The following LITAF variants were observed in gnomAD, a reference collection of about 807,000 sequenced individuals.
LITAF encodes lipopolysaccharide-induced tumor necrosis factor-alpha factor.
A neutral mutation model predicts 14.5 loss-of-function variants in LITAF; 9 were observed. That is an observed-to-expected ratio of 0.62 (90% CI 0.37 to 1.08). LITAF has a LOEUF of 1.08. LITAF is among the 50% of genes least tolerant of loss of function. The pLI, the probability that LITAF is intolerant of heterozygous loss-of-function variation, is 0.01. For missense variants in LITAF, 206 were observed against 213.4 expected (o/e 0.97, Z 0.22); for synonymous variants, 98 against 88.2 (o/e 1.11, Z -0.62).
Position 11,553,443 on chromosome 16 carries a change from T to C in LITAF, c.377+90A>G. ...AACAACACAAATGTCTGGCCCTGAA[T>C]GTCAAGCATGGTGCAGTTGAGAACC... is the stretch of plus-strand genomic sequence containing the variant. On this transcript the variant is annotated intron_variant, in intron 3 of 3. Transcript: ENST00000622633. This position sits in a 1 kb window ranked among gnomAD's most constrained non-coding sequence, Gnocchi z 7.7. The C allele has an allele frequency of 7.3e-7, 1 of 1,361,148 alleles. No homozygotes were observed. The highest frequency in any genetic ancestry group is 1.0e-6 in the Non-Finnish European group (1 of 970,400). The allele number at this position is 1,361,148 out of a possible 1,614,324, so 84.3% of individuals were successfully genotyped here. A position where few individuals can be genotyped will look rare whatever the true frequency, so the allele number is the denominator to read the frequency against.
At chr16:11,596,036 C>T (rs1051072148) in intron 1 of LITAF, among the ~76,000 whole-genome samples, 3 of 152,150 alleles carry the variant, frequency 2.0e-5, no homozygotes, top group African/African-American at 7.2e-5. Context: ...AGTCCATGGA[C>T]AGTCCCTGGT....
At chr16:11,609,557 T>C (rs1417948864) in intron 3 of LITAF, among the ~76,000 whole-genome samples, 1 of 152,022 alleles carries the variant, frequency 6.6e-6, no homozygotes, top group Non-Finnish European at 1.5e-5. Context: ...GTATGTAAAT[T>C]ACGTATCCAA....
intron 3 of LITAF, among the ~76,000 whole-genome samples, chr16:11,621,063 T>A (rs540183891): frequency 1.2e-5 from 1 of 80,860 alleles, no homozygotes; most frequent in South Asian, 3.7e-4. Context: ...ACCCAGTTAA[T>A]TTTTTTTTTT....
At chr16:11,628,703 G>A (rs1253586026) in intron 3 of LITAF, among the ~76,000 whole-genome samples, 1 of 151,048 alleles carries the variant, frequency 6.6e-6, no homozygotes, top group African/African-American at 2.4e-5. Context: ...TTGAAACTGA[G>A]TCTTGCTCTG....
At chr16:11,633,370 T>C (rs964178446) in intron 3 of LITAF, among the ~76,000 whole-genome samples, 4 of 152,178 alleles carry the variant, frequency 2.6e-5, no homozygotes, top group Admixed American at 6.6e-5. Flanking sequence ...CAACTCCATC[T>C]TGAATAGGGG....
chr16:11,568,880 A>C (rs758692333), intron 1 of LITAF, among the ~76,000 whole-genome samples: 2 of 151,958 alleles, frequency 1.3e-5, no homozygotes, highest in South Asian at 2.1e-4. Context: ...GGGTTTCACC[A>C]TATTGGCCAA....
intron 3 of LITAF, among the ~76,000 whole-genome samples, chr16:11,608,795 T>G (rs751682752): frequency 2.6e-5 from 4 of 152,018 alleles, no homozygotes; most frequent in African/African-American, 4.8e-5. Context: ...AAACCCTGTC[T>G]CTACTAAAAA....
intron 1 of LITAF, among the ~76,000 whole-genome samples, chr16:11,570,576 T>C (rs1225399661): frequency 6.6e-6 from 1 of 152,214 alleles, no homozygotes; most frequent in Non-Finnish European, 1.5e-5. Context: ...AAGCTCTGAA[T>C]ATGTGACCTT....
chr16:11,612,870 A>T (rs1217911544), intron 3 of LITAF, among the ~76,000 whole-genome samples: 1 of 152,166 alleles, frequency 6.6e-6, no homozygotes, highest in Non-Finnish European at 1.5e-5. Flanking sequence ...AGGGACTCCC[A>T]TGGCTCCTGA....
rs868231942 is a variant in LITAF at position 11,632,312 on chromosome 16, A to G, written c.85+1221T>C. Among the ~76,000 whole-genome samples the G allele has an allele frequency of 6.6e-6, 1 of 152,250 alleles. No homozygotes were observed. ...AGGCAATCCGCTGGCCCCTCCCCAC[A>G]TGGACTGAGAAAGGTGAGGACGACT... is the stretch of plus-strand genomic sequence containing the variant. On this transcript the variant is annotated intron_variant, in intron 3 of 3. Coordinates refer to the LITAF transcript ENST00000574848. The surrounding 1 kb of genome is among the most constrained non-coding windows in gnomAD (Gnocchi z 4.8).
upstream of LITAF, among the ~76,000 whole-genome samples, chr16:11,603,300 A>G (rs919947373): frequency 2.0e-5 from 3 of 152,218 alleles, no homozygotes; most frequent in Non-Finnish European, 2.9e-5. Flanking sequence ...TAGAAAAAAT[A>G]AACTTCCCTG....
chr16:11,581,117 C>A (rs2064726027), intron 1 of LITAF, among the ~76,000 whole-genome samples: 2 of 152,258 alleles, frequency 1.3e-5, no homozygotes, highest in Non-Finnish European at 2.9e-5. Flanking sequence ...AATTATCTGA[C>A]CTTGCTTTGA....
chr16:11,576,006 G>A (rs754567201), intron 1 of LITAF, among the ~76,000 whole-genome samples: 3 of 151,898 alleles, frequency 2.0e-5, no homozygotes, highest in Admixed American at 6.6e-5. Context: ...TCAGCCTCTC[G>A]ACCAGCTGGG....
intron 3 of LITAF, among the ~76,000 whole-genome samples, chr16:11,613,080 C>T (rs1376100043): frequency 6.6e-6 from 1 of 152,038 alleles, no homozygotes; most frequent in East Asian, 1.9e-4. Flanking sequence ...CGCTCTGTTG[C>T]CCAGGCTGGA....
At chr16:11,550,564 C>G (rs1490213544) in intron 3 of LITAF, among the ~76,000 whole-genome samples, 1 of 152,236 alleles carries the variant, frequency 6.6e-6, no homozygotes, top group East Asian at 1.9e-4. Context: ...ATTTTCAAAT[C>G]TGGGGTCATT....
rs2065123412 is a variant in LITAF at position 11,632,615 on chromosome 16, T to C, written c.85+918A>G. Among the ~76,000 whole-genome samples the C allele has an allele frequency of 6.6e-6, 1 of 152,176 alleles. No individual in the cohort carries two copies. Among genetic ancestry groups the C allele is most frequent in the South Asian group, 2.1e-4 (1 of 4,838 alleles). On this transcript the variant is annotated intron_variant, in intron 3 of 3. Coordinates refer to the LITAF transcript ENST00000574848. The surrounding 1 kb of genome is among the most constrained non-coding windows in gnomAD (Gnocchi z 4.8). Reference sequence around the variant, plus strand: ...GCACGTGGGATCCCTTGGCCCCATCTGGAGGAAGCCCCACCGAGCCAGAGC... The same window carrying C: ...GCACGTGGGATCCCTTGGCCCCATCCGGAGGAAGCCCCACCGAGCCAGAGC...
chr16:11,603,224 G>A (rs1032429097), upstream of LITAF, among the ~76,000 whole-genome samples: 2 of 152,218 alleles, frequency 1.3e-5, no homozygotes, highest in African/African-American at 4.8e-5. Context: ...TACTATTTGT[G>A]TGTTTCTTTT....
At chr16:11,559,354 G>C (rs892528325) in intron 1 of LITAF, among the ~76,000 whole-genome samples, 1 of 152,004 alleles carries the variant, frequency 6.6e-6, no homozygotes, top group Admixed American at 6.6e-5. Flanking sequence ...ATTTTTACTT[G>C]TATTTAAGTT....
chr16:11,582,281 G>A (rs1229929750), intron 1 of LITAF, among the ~76,000 whole-genome samples: 3 of 113,900 alleles, frequency 2.6e-5, no homozygotes, highest in African/African-American at 1.0e-4. Flanking sequence ...TTGAAAACAA[G>A]AGCAAGATAT....
Sources: gnomAD v4.1 joint callset for allele counts (sites outside exome capture counted in the v4.1 genomes callset) on GRCh38, gnomAD v4.1.1 for gene constraint, Gnocchi (gnomAD v3.1) non-coding constraint, MANE v1.5 for transcripts, NCBI Gene and HGNC (gene_info 2026-07-23, HGNC 2026-07-21) for gene names.